The following CCER1 variants were observed in gnomAD, a reference collection of about 807,000 sequenced individuals.
CCER1 encodes the protein coiled-coil domain-containing glutamate-rich protein 1.
For missense variants in CCER1, 573 were observed against 524.5 expected (o/e 1.09, Z -0.90); for synonymous variants, 246 against 213.8 (o/e 1.15, Z -1.31).
rs376363819 is a variant in CCER1, at chr12:90,954,689, G to A, written c.54C>T (p.Gly18=). Residue 18 remains glycine (G), a synonymous_variant, in exon 1 of 1, where the codon GGC becomes GGT. Coordinates refer to ENST00000358859, the MANE Select transcript of CCER1 (RefSeq NM_152638.4). ...CCCAGCCACAGCCACAGCCGCCGCC[G>A]CCACCGCCGCCCAGGTTCAGAGGGT... ...REDPLNLGGG[G]GGGCGCGWAH... 7.8e-4 allele frequency: 1,229 copies of A among 1,575,502 alleles called. 12 individuals are homozygous for A. The South Asian group carries it at 0.013, about 17-fold the overall frequency.
Position 90,953,634 on chromosome 12 carries a change from T to C in CCER1, c.1109A>G (p.Glu370Gly). The change falls in exon 1 of 1, where the codon GAG becomes GGG. Residue 370 changes from glutamate to glycine, a missense_variant. Coordinates refer to ENST00000358859, the MANE Select transcript of CCER1 (RefSeq NM_152638.4). ...PLEMPLSIFVEAEEKRENFIS... is the reference protein window; with the variant it reads ...PLEMPLSIFVGAEEKRENFIS... ...AAAGTTCTCTCTCTTTTCTTCAGCC[T>C]CTACGAAGATTGATAAAGGCATTTC... The C allele has an allele frequency of 6.2e-7, 1 of 1,614,182 alleles. No individual in the cohort carries two copies. Among genetic ancestry groups the C allele is most frequent in the South Asian group, 1.1e-5 (1 of 91,084 alleles).
In CCER1 at chr12:90,954,576, G is replaced by C; in HGVS notation, c.167C>G (p.Pro56Arg). The change falls in exon 1 of 1, where the codon CCC becomes CGC. Residue 56 changes from proline (P) to arginine (R), a missense_variant. Coordinates refer to ENST00000358859, the MANE Select transcript of CCER1 (RefSeq NM_152638.4). Reference protein sequence around the residue: ...PAYNRPHRYSPKTEYGPPRKQ... With the variant: ...PAYNRPHRYSRKTEYGPPRKQ... ...CCTTGGGGGCCCATACTCGGTCTTGGGGCTATATCGGTGCGGTCTATTGTA... is the reference window on the plus strand; with the variant it reads ...CCTTGGGGGCCCATACTCGGTCTTGCGGCTATATCGGTGCGGTCTATTGTA... 1 of 1,614,024 alleles carries C rather than the reference G, an allele frequency of 6.2e-7. No homozygotes were observed. Among genetic ancestry groups the C allele is most frequent in the Non-Finnish European group, 8.5e-7 (1 of 1,180,016 alleles).
At position 90,953,924 on chromosome 12, in the gene CCER1, C is replaced by T; in HGVS notation, c.819G>A (p.Pro273=). 6.2e-7 allele frequency: 1 copy of T among 1,614,086 alleles called. No homozygotes were observed. The highest frequency in any genetic ancestry group is 8.5e-7 in the Non-Finnish European group (1 of 1,179,936). ...TCTCCTCCTCTTCTTCCACCAGCAG[C>T]GGGGCAAGAGACTGGTTTTCCTCTG... ...PNPEENQSLA[P]LLVEEEEEKK... The change falls in exon 1 of 1, where the codon CCG becomes CCA. Residue 273 remains proline (P), a synonymous_variant. Coordinates refer to ENST00000358859, the MANE Select transcript of CCER1 (RefSeq NM_152638.4).
chr12:90,953,404 G>A lies in CCER1; in HGVS notation c.*118C>T, dbSNP rs1229919548. The A allele has an allele frequency of 8.4e-7, 1 of 1,196,828 alleles. No individual in the cohort carries two copies. Among genetic ancestry groups the A allele is most frequent in the Non-Finnish European group, 1.1e-6 (1 of 876,148 alleles). The allele number at this position is 1,196,828 out of a possible 1,614,324, so 74.1% of individuals were successfully genotyped here. ...AAACATTTTATAATGGCCAAAGAAG[G>A]TGTTTACATAGATCTGTTTATTAAT... is the stretch of plus-strand genomic sequence containing the variant. On this transcript the variant is annotated 3_prime_UTR_variant, in exon 1 of 1. Coordinates refer to ENST00000358859, the MANE Select transcript of CCER1 (RefSeq NM_152638.4).
In CCER1 at chr12:90,954,773, TAGCG is replaced by T. The variant is rs1285042608; in HGVS notation, c.-35_-32del. 3.3e-6 allele frequency: 5 copies of T among 1,523,780 alleles called. No individual in the cohort carries two copies. Among genetic ancestry groups the T allele is most frequent in the Non-Finnish European group, 4.4e-6 (5 of 1,132,716 alleles). 94.4% of individuals were successfully genotyped at this position (1,523,780 alleles called of 1,614,324 possible). A position where few individuals can be genotyped will look rare whatever the true frequency, so the allele number is the denominator to read the frequency against. Reference sequence around the variant, plus strand: ...AGGGAGCTCCGAGAGGTCCAGATGGTAGCGACCTGAAGCTGTCGTCAAGTTTTGC... The same window carrying T: ...AGGGAGCTCCGAGAGGTCCAGATGGTACCTGAAGCTGTCGTCAAGTTTTGC... On this transcript the variant is annotated 5_prime_UTR_variant, in exon 1 of 1. Transcript: ENST00000358859.
rs1876605082 is a variant in CCER1, at chr12:90,954,748, A to G, written c.-6T>C. Reference sequence around the variant, plus strand: ...GTGTCGAGGGTCTGAGTCATGGTTCAGGGAGCTCCGAGAGGTCCAGATGGT... The same window carrying G: ...GTGTCGAGGGTCTGAGTCATGGTTCGGGGAGCTCCGAGAGGTCCAGATGGT... On this transcript the variant is annotated 5_prime_UTR_variant, in exon 1 of 1. Transcript: ENST00000358859. 6.5e-7 allele frequency: 1 copy of G among 1,545,768 alleles called. No homozygotes were observed. The highest frequency in any genetic ancestry group is 1.2e-5 in the South Asian group (1 of 83,648).
In CCER1 at chr12:90,954,757, C is replaced by T. The variant is rs778176162; in HGVS notation, c.-15G>A. On this transcript the variant is annotated 5_prime_UTR_variant, in exon 1 of 1. Coordinates refer to ENST00000358859, the MANE Select transcript of CCER1 (RefSeq NM_152638.4). Reference sequence around the variant, plus strand: ...GTCTGAGTCATGGTTCAGGGAGCTCCGAGAGGTCCAGATGGTAGCGACCTG... The same window carrying T: ...GTCTGAGTCATGGTTCAGGGAGCTCTGAGAGGTCCAGATGGTAGCGACCTG... 1.3e-6 allele frequency: 2 copies of T among 1,542,562 alleles called. No homozygotes were observed. The highest frequency in any genetic ancestry group is 8.7e-7 in the Non-Finnish European group (1 of 1,143,428).
Position 90,953,236 on chromosome 12 carries a change from C to G in CCER1, c.*286G>C, listed in dbSNP as rs1876523991. ...CAGATTTAAAAAAACAACAGCAACT[C>G]TGTTTTCTAGAGGGGAAAACACCAA... On this transcript the variant is annotated 3_prime_UTR_variant, in exon 1 of 1. Coordinates refer to ENST00000358859, the MANE Select transcript of CCER1 (RefSeq NM_152638.4). 3.1e-6 allele frequency: 1 copy of G among 324,880 alleles called. No homozygotes were observed. Among genetic ancestry groups the G allele is most frequent in the East Asian group, 5.2e-5 (1 of 19,158 alleles). 20.1% of individuals were successfully genotyped at this position (324,880 alleles called of 1,614,324 possible).
rs1876608031 is a variant in CCER1 at position 90,954,791 on chromosome 12, G to C, written c.-49C>G. The C allele has an allele frequency of 6.7e-7, 1 of 1,501,600 alleles. No homozygotes were observed. 93.0% of individuals were successfully genotyped at this position (1,501,600 alleles called of 1,614,324 possible). On this transcript the variant is annotated 5_prime_UTR_variant, in exon 1 of 1. Transcript: ENST00000358859. ...CAGATGGTAGCGACCTGAAGCTGTC[G>C]TCAAGTTTTGCCAGGTAGGACGGTC...
Position 90,953,749 on chromosome 12 carries a change from C to G in CCER1, c.994G>C (p.Glu332Gln). ...VEEAEYVEEG[E>Q]EELEEEELEE... Reference sequence around the variant, plus strand: ...AGCTCCTCCTCTTCCAGCTCCTCCTCTCCCTCCTCCACATATTCAGCCTCT... The same window carrying G: ...AGCTCCTCCTCTTCCAGCTCCTCCTGTCCCTCCTCCACATATTCAGCCTCT... The change falls in exon 1 of 1, where the codon GAG becomes CAG. Residue 332 changes from glutamate (E) to glutamine (Q), a missense_variant. Transcript: ENST00000358859. The G allele has an allele frequency of 1.3e-6, 2 of 1,573,012 alleles. No individual in the cohort carries two copies. The highest frequency in any genetic ancestry group is 1.8e-6 in the Non-Finnish European group (2 of 1,142,630).
Position 90,955,078 on chromosome 12 carries a change from T to G in CCER1, c.-336A>C. On this transcript the variant is annotated 5_prime_UTR_variant, in exon 1 of 1. Transcript: ENST00000358859. ...GGGTCCCCACCACACCCGGCTCTGC[T>G]GAGGCACGGGCTGGGGCCGGGGGAG... 1 of 398,446 alleles carries G rather than the reference T, an allele frequency of 2.5e-6. No individual in the cohort carries two copies. The highest frequency in any genetic ancestry group is 4.7e-6 in the Non-Finnish European group (1 of 212,418). 24.7% of individuals were successfully genotyped at this position (398,446 alleles called of 1,614,324 possible).
rs1484068156 is a variant in CCER1 at position 90,953,991 on chromosome 12, T to C, written c.752A>G (p.Tyr251Cys). 1 of 1,614,202 alleles carries C rather than the reference T, an allele frequency of 6.2e-7. No individual in the cohort carries two copies. The change falls in exon 1 of 1, where the codon TAT (tyrosine) becomes TGT (cysteine). Residue 251 changes from tyrosine to cysteine, a missense_variant. By Grantham distance (194) the Tyr-to-Cys change is radical (BLOSUM62 -2). Transcript: ENST00000358859. ...KETWGLQETL[Y>C]GFVQNPSLAF... is the part of the protein sequence containing the mutation. ...TAGAGAGGGATTCTGCACAAAGCCA[T>C]ACAGAGTTTCCTGCAGTCCCCAGGT...
At position 90,954,043 on chromosome 12, in the gene CCER1, C is replaced by G. The variant is rs1279406314; in HGVS notation, c.700G>C (p.Asp234His). The G allele has an allele frequency of 3.1e-6, 5 of 1,614,200 alleles. No individual in the cohort carries two copies. Among genetic ancestry groups the G allele is most frequent in the Non-Finnish European group, 4.2e-6 (5 of 1,180,046 alleles). ...EASPARSSGN[D>H]APPGGSKETW... ...TCCTTGCTGCCGCCAGGGGGCGCGT[C>G]GTTTCCGGAGGATCTGGCTGGGGAG... The change falls in exon 1 of 1, where the codon GAC (aspartate) becomes CAC (histidine). Residue 234 changes from aspartate to histidine, a missense_variant. Coordinates refer to ENST00000358859, the MANE Select transcript of CCER1 (RefSeq NM_152638.4).
At position 90,953,651 on chromosome 12, in the gene CCER1, A is replaced by C; in HGVS notation, c.1092T>G (p.Pro364=). ...GEEFHLPLEM[P]LSIFVEAEEK... ...CTTCAGCCTCTACGAAGATTGATAAAGGCATTTCCAGAGGCAAGTGAAATT... is the reference window on the plus strand; with the variant it reads ...CTTCAGCCTCTACGAAGATTGATAACGGCATTTCCAGAGGCAAGTGAAATT... Residue 364 remains proline (P), a synonymous_variant, in exon 1 of 1, where the codon CCT becomes CCG. Transcript: ENST00000358859. 6.2e-7 allele frequency: 1 copy of C among 1,614,180 alleles called. No individual in the cohort carries two copies. Among genetic ancestry groups the C allele is most frequent in the Non-Finnish European group, 8.5e-7 (1 of 1,180,034 alleles).
Position 90,954,227 on chromosome 12 carries a change from C to G in CCER1, c.516G>C (p.Pro172=). ...PPADVSTLPR[P]VKLYEWREPG... ...GCTCTCTCCACTCATACAGCTTGAC[C>G]GGCCGCGGCAGCGTGCTCACATCCG... is the stretch of plus-strand genomic sequence containing the variant. Residue 172 remains proline, a synonymous_variant, in exon 1 of 1, where the codon CCG becomes CCC. Coordinates refer to ENST00000358859, the MANE Select transcript of CCER1 (RefSeq NM_152638.4). 4 of 1,607,156 alleles carry G rather than the reference C, an allele frequency of 2.5e-6. No homozygotes were observed. The highest frequency in any genetic ancestry group is 1.6e-4 in the Middle Eastern group (1 of 6,062).
In CCER1 at chr12:90,954,301, G is replaced by C; in HGVS notation, c.442C>G (p.Arg148Gly). 6.2e-7 allele frequency: 1 copy of C among 1,600,846 alleles called. No individual in the cohort carries two copies. Among genetic ancestry groups the C allele is most frequent in the Non-Finnish European group, 8.5e-7 (1 of 1,177,724 alleles). Reference sequence around the variant, plus strand: ...TGGCGAGGGTGGTGGCGCAGGCCGCGGCCTCTGCGGCCCCAGCGCTTCTTC... The same window carrying C: ...TGGCGAGGGTGGTGGCGCAGGCCGCCGCCTCTGCGGCCCCAGCGCTTCTTC... ...GRKKRWGRRG[R>G]GLRHHPRHSY... is the part of the protein sequence containing the mutation. Residue 148 changes from arginine to glycine, a missense_variant, in exon 1 of 1, where the codon CGC (arginine) becomes GGC (glycine). By Grantham distance (125) the Arg-to-Gly change is moderately radical. Coordinates refer to ENST00000358859, the MANE Select transcript of CCER1 (RefSeq NM_152638.4).
Position 90,954,033 on chromosome 12 carries a change from G to T in CCER1, c.710C>A (p.Pro237His). The change falls in exon 1 of 1, where the codon CCT becomes CAT. Residue 237 changes from proline to histidine, a missense_variant. Transcript: ENST00000358859. ...PARSSGNDAP[P>H]GGSKETWGLQ... ...TCCCCAGGTTTCCTTGCTGCCGCCAGGGGGCGCGTCGTTTCCGGAGGATCT... is the reference window on the plus strand; with the variant it reads ...TCCCCAGGTTTCCTTGCTGCCGCCATGGGGCGCGTCGTTTCCGGAGGATCT... 1 of 1,614,184 alleles carries T rather than the reference G, an allele frequency of 6.2e-7. No homozygotes were observed. The highest frequency in any genetic ancestry group is 8.5e-7 in the Non-Finnish European group (1 of 1,180,044).
Position 90,954,227 on chromosome 12 carries a change from C to T in CCER1, c.516G>A (p.Pro172=). The T allele has an allele frequency of 1.9e-6, 3 of 1,607,156 alleles. No individual in the cohort carries two copies. The highest frequency in any genetic ancestry group is 2.5e-6 in the Non-Finnish European group (3 of 1,179,808). ...GCTCTCTCCACTCATACAGCTTGACCGGCCGCGGCAGCGTGCTCACATCCG... is the reference window on the plus strand; with the variant it reads ...GCTCTCTCCACTCATACAGCTTGACTGGCCGCGGCAGCGTGCTCACATCCG... ...PPADVSTLPR[P]VKLYEWREPG... The change falls in exon 1 of 1, where the codon CCG becomes CCA. Residue 172 remains proline (P), a synonymous_variant. Transcript: ENST00000358859.
In CCER1 at chr12:90,952,663, A is replaced by T. The variant is rs2120760993; in HGVS notation, c.*859T>A. On this transcript the variant is annotated 3_prime_UTR_variant, in exon 1 of 1. Coordinates refer to ENST00000358859, the MANE Select transcript of CCER1 (RefSeq NM_152638.4). The stretch of plus-strand genomic sequence containing the variant: ...CAAAAGGTAGATAATCTTTTTATCT[A>T]AAAAAAAAAATCCATTCTGGAAAAC... The T allele has an allele frequency of 1.1e-5, 1 of 94,586 alleles. No homozygotes were observed. Among genetic ancestry groups the T allele is most frequent in the Middle Eastern group, 6.2e-3 (1 of 162 alleles). The allele number at this position is 94,586 out of a possible 1,614,324, so 5.9% of individuals were successfully genotyped here. A position where few individuals can be genotyped will look rare whatever the true frequency, so the allele number is the denominator to read the frequency against.
Sources: allele counts gnomAD v4.1 joint callset, GRCh38; gene constraint gnomAD v4.1.1; transcripts MANE v1.5; gene names NCBI Gene and HGNC (gene_info 2026-07-23, HGNC 2026-07-21).